JAK3: variants seen among roughly 807,000 people sequenced by gnomAD.
JAK3 encodes the protein Janus kinase 3.
JAK3 carries 88 observed loss-of-function variants against 120.8 expected under a neutral mutation model. That is an observed-to-expected ratio of 0.73 (90% confidence interval 0.61 to 0.87). The LOEUF (loss-of-function observed/expected upper bound fraction) is 0.87. Ranked by LOEUF, JAK3 falls within the 40% of genes least tolerant of loss-of-function variation. JAK3 has a pLI of 0.00. For missense variants in JAK3, 1,254 were observed against 1,501.4 expected (o/e 0.84, Z 2.72); for synonymous variants, 592 against 628.6 (o/e 0.94, Z 0.87).
At position 17,843,028 on chromosome 19, in the gene JAK3, T is replaced by A; in HGVS notation, c.565A>T (p.Ser189Cys). ...TCCCCACAGCCTGGTGGCTCTCACC[T>A]GACAGTCTTCAGCAGCTCTCCCGGC... The part of the protein sequence containing the change: ...QRPGELLKTV[S>C]YKACLPPSLR... The change falls in exon 5 of 24, where the codon AGC becomes TGC. Residue 189 changes from serine to cysteine, a missense_variant and splice_region_variant. By Grantham distance (112) the Ser-to-Cys change is moderately radical. Transcript: ENST00000458235. The surrounding 1 kb of genome is among the most constrained non-coding windows in gnomAD (Gnocchi z 5.4). The A allele has an allele frequency of 6.2e-7, 1 of 1,610,430 alleles. No homozygotes were observed. The highest frequency in any genetic ancestry group is 8.5e-7 in the Non-Finnish European group (1 of 1,179,936).
rs2147699479 is a variant in JAK3 at position 17,843,409 on chromosome 19, G to A, written c.391C>T (p.Leu131=). The change falls in exon 4 of 24, where the codon CTG becomes TTG. Residue 131 remains leucine (L), a synonymous_variant. Transcript: ENST00000458235. The surrounding 1 kb of genome is among the most constrained non-coding windows in gnomAD (Gnocchi z 5.4). ...GCAAAGAGGTGCTCCAGGACTGGCA[G>A]GTCAAGGATAGCACTGGCCAAATCC... is the stretch of plus-strand genomic sequence containing the variant. The part of the protein sequence containing the change: ...RKDLASAILD[L]PVLEHLFAQH... 6.3e-7 allele frequency: 1 copy of A among 1,596,842 alleles called. No homozygotes were observed. Among genetic ancestry groups the A allele is most frequent in the African/African-American group, 1.3e-5 (1 of 74,568 alleles).
Position 17,841,616 on chromosome 19 carries a change from A to C in JAK3, c.984+24T>G. 6.2e-7 allele frequency: 1 copy of C among 1,613,626 alleles called. No individual in the cohort carries two copies. The highest frequency in any genetic ancestry group is 1.3e-5 in the African/African-American group (1 of 75,038). The stretch of plus-strand genomic sequence containing the variant: ...GGTCCCGCCCTCGGGGTAAGGCTGA[A>C]GGGGAGGGGAATCCTGCACCCACTA... On this transcript the variant is annotated intron_variant, in intron 7 of 23. Transcript: ENST00000458235. This position sits in a 1 kb window ranked among gnomAD's most constrained non-coding sequence, Gnocchi z 4.1.
Position 17,825,693 on chromosome 19 carries a change from A to C in JAK3, c.*1050T>G, listed in dbSNP as rs2094202643. ...GAGACGGGCAGATCACGAGGTCAGG[A>C]GATGGAAACCATCCTGGCTAACAAG... On this transcript the variant is annotated 3_prime_UTR_variant, in exon 24 of 24. Transcript: ENST00000458235. 1.2e-5 allele frequency: 2 copies of C among 169,498 alleles called. No individual in the cohort carries two copies. The highest frequency in any genetic ancestry group is 1.3e-4 in the Admixed American group (2 of 15,580). 10.5% of individuals were successfully genotyped at this position (169,498 alleles called of 1,614,324 possible).
chr19:17,842,530 G>C lies in JAK3; in HGVS notation c.647C>G (p.Thr216Arg). ...SFVTRRRIRR[T>R]VRRALRRVAA... ...CACGCGGCGCAGGGCTCTGCGCACC[G>C]TCCTCCGAATACGCCTCCGCGTCAC... The change falls in exon 6 of 24, where the codon ACG becomes AGG. Residue 216 changes from threonine (T) to arginine (R), a missense_variant. Thr to Arg is a moderately conservative substitution (Grantham distance 71). Coordinates refer to ENST00000458235, the MANE Select transcript of JAK3 (RefSeq NM_000215.4). This position sits in a 1 kb window ranked among gnomAD's most constrained non-coding sequence, Gnocchi z 6.4. The C allele has an allele frequency of 4.4e-6, 7 of 1,590,912 alleles. No homozygotes were observed. The highest frequency in any genetic ancestry group is 6.0e-6 in the Non-Finnish European group (7 of 1,169,612).
chr19:17,843,983 C>G lies in JAK3; in HGVS notation c.185-83G>C, dbSNP rs2147700303. The stretch of plus-strand genomic sequence containing the variant: ...AGTGCCAGCATCATACCCAACCGTC[C>G]AGATCCTTCCATACCTCAAGGTATG... On this transcript the variant is annotated intron_variant, in intron 2 of 23. Coordinates refer to ENST00000458235, the MANE Select transcript of JAK3 (RefSeq NM_000215.4). The surrounding 1 kb of genome is among the most constrained non-coding windows in gnomAD (Gnocchi z 5.4). 3.2e-6 allele frequency: 5 copies of G among 1,538,574 alleles called. No homozygotes were observed. The highest frequency in any genetic ancestry group is 4.4e-6 in the Non-Finnish European group (5 of 1,126,640).
chr19:17,842,457 C>A lies in JAK3; in HGVS notation c.720G>T (p.Met240Ile). The A allele has an allele frequency of 6.3e-7, 1 of 1,598,106 alleles. No individual in the cohort carries two copies. Among genetic ancestry groups the A allele is most frequent in the South Asian group, 1.1e-5 (1 of 89,040 alleles). Residue 240 changes from methionine to isoleucine, a missense_variant, in exon 6 of 24, where the codon ATG (methionine) becomes ATT (isoleucine). By Grantham distance (10) the Met-to-Ile change is conservative. Coordinates refer to ENST00000458235, the MANE Select transcript of JAK3 (RefSeq NM_000215.4). This position sits in a 1 kb window ranked among gnomAD's most constrained non-coding sequence, Gnocchi z 6.4. ...DRHSLMAKYI[M>I]DLERLDPAGA... ...CGGCTGGATCCAGCCGCTCCAGGTCCATGATGTACTTGGCCATGAGCGAGT... is the reference window on the plus strand; with the variant it reads ...CGGCTGGATCCAGCCGCTCCAGGTCAATGATGTACTTGGCCATGAGCGAGT...
chr19:17,846,694 C>T (rs1026173864), intron 1 of JAK3, among the ~76,000 whole-genome samples: 1 of 152,154 alleles, frequency 6.6e-6, no homozygotes, highest in African/African-American at 2.4e-5. Flanking sequence ...AAGCGATTCT[C>T]ATGCCTCAGC....
At chr19:17,844,970 G>A (rs891611460) in intron 1 of JAK3, among the ~76,000 whole-genome samples, 26 of 152,046 alleles carry the variant, frequency 1.7e-4, no homozygotes, top group Admixed American at 1.7e-3. Flanking sequence ...GGCCAGGGGT[G>A]GGGCTTCGAG....
At chr19:17,847,256 C>T (rs1450273672) in intron 1 of JAK3, among the ~76,000 whole-genome samples, 2 of 152,124 alleles carry the variant, frequency 1.3e-5, no homozygotes, top group African/African-American at 4.8e-5. Context: ...ATCCCAGCTA[C>T]TCAGGGGGCT....
rs3213408 is a variant in JAK3, at chr19:17,838,052, C to T, written c.1581G>A (p.Leu527=). The T allele has an allele frequency of 2.0e-3, 3,235 of 1,614,114 alleles. 6 individuals are homozygous for T. Among genetic ancestry groups the T allele is most frequent in the Non-Finnish European group, 2.6e-3 (3,015 of 1,180,040 alleles). Residue 527 remains leucine (L), a synonymous_variant, in exon 12 of 24, where the codon CTG becomes CTA. Coordinates refer to ENST00000458235, the MANE Select transcript of JAK3 (RefSeq NM_000215.4). ...AAATCTTGGTGAAGGACCCATGGCC[C>T]AGGTTCTCATGCTGAATGGTGAGGG... ...PADSLEWHEN[L]GHGSFTKIYR... is the part of the protein sequence containing the mutation.
intron 13 of JAK3, 97 bp from the exon 14 acceptor site, chr19:17,836,148 C>G: frequency 7.0e-7 from 1 of 1,422,960 alleles, no homozygotes; most frequent in South Asian, 1.2e-5. Flanking sequence ...CTCTCAAACT[C>G]TCATCTCTGT....
rs941028266 is a variant in JAK3 at position 17,842,479 on chromosome 19, G to C, written c.698C>G (p.Ser233Trp). 5 of 1,599,812 alleles carry C rather than the reference G, an allele frequency of 3.1e-6. No individual in the cohort carries two copies. The highest frequency in any genetic ancestry group is 1.1e-5 in the South Asian group (1 of 89,178). The change falls in exon 6 of 24, where the codon TCG becomes TGG. Residue 233 changes from serine to tryptophan, a missense_variant. By Grantham distance (177) the Ser-to-Trp change is radical (BLOSUM62 -3). Around this residue, in one of 3 missense-constraint regions of JAK3, gnomAD observed 486 missense variants for 503.0 expected, o/e 0.97. Coordinates refer to ENST00000458235, the MANE Select transcript of JAK3 (RefSeq NM_000215.4). This position sits in a 1 kb window ranked among gnomAD's most constrained non-coding sequence, Gnocchi z 6.4. The stretch of plus-strand genomic sequence containing the variant: ...GTCCATGATGTACTTGGCCATGAGC[G>C]AGTGCCGGTCTGCCTGGCAGGCGGC... ...RVAACQADRH[S>W]LMAKYIMDLE...
rs2147698081 is a variant in JAK3 at position 17,842,611 on chromosome 19, C to A, written c.567-1G>T. ...GCTTGGGGGTAGGCAGGCCTTGTAG[C>A]TGCAGGGGTTGGAGGGGAGGGAGCC... On this transcript the variant is annotated splice_acceptor_variant, in intron 5 of 23. Coordinates refer to ENST00000458235, the MANE Select transcript of JAK3 (RefSeq NM_000215.4). LOFTEE classifies it high-confidence loss of function. The surrounding 1 kb of genome is among the most constrained non-coding windows in gnomAD (Gnocchi z 6.4). The A allele has an allele frequency of 6.4e-7, 1 of 1,568,888 alleles. No homozygotes were observed. Among genetic ancestry groups the A allele is most frequent in the South Asian group, 1.2e-5 (1 of 86,230 alleles).
chr19:17,843,645 C>T lies in JAK3; in HGVS notation c.308+132G>A, dbSNP rs1568408007. 7 of 1,329,938 alleles carry T rather than the reference C, an allele frequency of 5.3e-6. No individual in the cohort carries two copies. The highest frequency in any genetic ancestry group is 5.4e-6 in the Non-Finnish European group (5 of 923,350). The allele number at this position is 1,329,938 out of a possible 1,614,324, so 82.4% of individuals were successfully genotyped here. A position where few individuals can be genotyped will look rare whatever the true frequency, so the allele number is the denominator to read the frequency against. On this transcript the variant is annotated intron_variant, in intron 3 of 23. Transcript: ENST00000458235. The surrounding 1 kb of genome is among the most constrained non-coding windows in gnomAD (Gnocchi z 5.4). ...GTGTGACCTTGGGCAAGTGACCCAC[C>T]CTCTCTGGTCTGTTTCCTCATCTGA...
chr19:17,844,130 C>T, intron 2 of JAK3, 104 bp downstream of exon 2: 2 of 1,336,626 alleles, frequency 1.5e-6, no homozygotes, highest in Non-Finnish European at 2.1e-6. Flanking sequence ...CCCCAAAGCC[C>T]CAGCTCCGAT....
chr19:17,832,666 CTAGCGGGTCA>C lies in JAK3; in HGVS notation c.2523_2532del (p.Tyr841Ter). On this transcript the variant is annotated frameshift_variant, in exon 19 of 24. Transcript: ENST00000458235. LOFTEE classifies it high-confidence loss of function. This position sits in a 1 kb window ranked among gnomAD's most constrained non-coding sequence, Gnocchi z 4.7. ...GCCACCAGGGCACCTGTATTGTCGCCTAGCGGGTCATAGCGGCACAGCTCCACGCTGCCAA... is the reference window on the plus strand; with the variant it reads ...GCCACCAGGGCACCTGTATTGTCGCCTAGCGGCACAGCTCCACGCTGCCAA... 1.2e-6 allele frequency: 2 copies of C among 1,614,230 alleles called. No homozygotes were observed. The highest frequency in any genetic ancestry group is 1.7e-6 in the Non-Finnish European group (2 of 1,180,038).
chr19:17,844,502 G>C (rs1275593664), intron 1 of JAK3, 72 bp from the exon 2 acceptor site: 2 of 1,402,188 alleles, frequency 1.4e-6, no homozygotes, highest in African/African-American at 2.9e-5. Flanking sequence ...GGAGGGCATG[G>C]AAAGGAGTGC....
intron 1 of JAK3, among the ~76,000 whole-genome samples, chr19:17,845,200 C>G (rs995859563): frequency 6.6e-6 from 1 of 152,050 alleles, no homozygotes; most frequent in African/African-American, 2.4e-5. Context: ...CAGAGTCTCG[C>G]GCTGTCACCC....
chr19:17,844,309 G>A lies in JAK3; in HGVS notation c.109C>T (p.Pro37Ser), dbSNP rs955716335. Reference protein sequence around the residue: ...HVLLPARGPGPPQRLSFSFGD... With the variant: ...HVLLPARGPGSPQRLSFSFGD... Reference sequence around the variant, plus strand: ...AAGGAGAAAGATAGGCGCTGGGGGGGCCCGGGGCCCCGAGCGGGCAGCAGC... The same window carrying A: ...AAGGAGAAAGATAGGCGCTGGGGGGACCCGGGGCCCCGAGCGGGCAGCAGC... Residue 37 changes from proline (P) to serine (S), a missense_variant, in exon 2 of 24, where the codon CCC becomes TCC. Around this residue, in one of 3 missense-constraint regions of JAK3, gnomAD observed 138 missense variants for 178.7 expected, o/e 0.77. Coordinates refer to ENST00000458235, the MANE Select transcript of JAK3 (RefSeq NM_000215.4). 2 of 1,608,280 alleles carry A rather than the reference G, an allele frequency of 1.2e-6. No individual in the cohort carries two copies. Among genetic ancestry groups the A allele is most frequent in the Non-Finnish European group, 8.5e-7 (1 of 1,178,228 alleles).
Sources: allele counts gnomAD v4.1 joint callset (sites outside exome capture counted in the v4.1 genomes callset), GRCh38; gene constraint gnomAD v4.1.1; regional missense constraint gnomAD v4.1.1; non-coding constraint Gnocchi (gnomAD v3.1); transcripts MANE v1.5; gene names NCBI Gene and HGNC (gene_info 2026-07-23, HGNC 2026-07-21).